The following NXPE2 variants were observed in gnomAD, a reference collection of about 807,000 sequenced individuals.
NXPE2 encodes NXPE family member 2.
In NXPE2, 34 loss-of-function variants were observed where a neutral mutation model predicts 34.4. That is an observed-to-expected ratio of 0.99 (90% CI 0.75 to 1.31). The LOEUF (loss-of-function observed/expected upper bound fraction) is 1.31, where lower values mean the gene tolerates loss of function less well. Ranked by LOEUF, NXPE2 falls within the 40% of genes most tolerant of loss-of-function variation. The pLI, the probability that NXPE2 is intolerant of heterozygous loss-of-function variation, is 0.00. For missense variants in NXPE2, 649 were observed against 672.5 expected (o/e 0.97, Z 0.39); for synonymous variants, 235 against 231.3 (o/e 1.02, Z -0.15).
the NXPE2 span, among the ~76,000 whole-genome samples, chr11:114,809,005 G>A: frequency 1.3e-5 from 2 of 152,076 alleles, no homozygotes; most frequent in Non-Finnish European, 2.9e-5. Context: ...ATGATCAAGT[G>A]GGCTTCATCC....
the NXPE2 span, among the ~76,000 whole-genome samples, chr11:114,724,497 T>C: frequency 6.6e-6 from 1 of 152,080 alleles, no homozygotes; most frequent in African/African-American, 2.4e-5. Flanking sequence ...TTATATATTG[T>C]TTTTGCCATC....
intron 2 of NXPE2, among the ~76,000 whole-genome samples, chr11:114,680,749 C>T (rs906488494): frequency 4.6e-5 from 7 of 152,148 alleles, no homozygotes; most frequent in Admixed American, 2.0e-4. Context: ...AAAGTATTAA[C>T]AAGCTCCTCA....
chr11:114,722,485 C>A, the NXPE2 span, among the ~76,000 whole-genome samples: 1 of 151,908 alleles, frequency 6.6e-6, no homozygotes, highest in African/African-American at 2.4e-5. Flanking sequence ...TGAACTAATA[C>A]ACTATTTACG....
the NXPE2 span, among the ~76,000 whole-genome samples, chr11:114,599,984 A>G: frequency 6.6e-6 from 1 of 152,172 alleles, no homozygotes; most frequent in Non-Finnish European, 1.5e-5. Context: ...AAATGGGGTA[A>G]AATAAACAGC....
At chr11:114,587,452 C>T in the NXPE2 span, among the ~76,000 whole-genome samples, 12 of 152,184 alleles carry the variant, frequency 7.9e-5, 1 homozygote, top group South Asian at 8.3e-4. Context: ...GTAACTGTAA[C>T]GAAGTCTCTC....
the NXPE2 span, among the ~76,000 whole-genome samples, chr11:114,503,663 A>G: frequency 2.0e-5 from 3 of 152,246 alleles, no homozygotes; most frequent in Non-Finnish European, 2.9e-5. Flanking sequence ...GATAAATCCA[A>G]GAGATACGAT....
chr11:114,522,774 A>G, the NXPE2 span: 1 of 797,622 alleles, frequency 1.3e-6, no homozygotes, highest in Non-Finnish European at 2.0e-6. Flanking sequence ...CCAGAGAGCC[A>G]AATGAAGTAA....
At chr11:114,735,902 T>C in the NXPE2 span, among the ~76,000 whole-genome samples, 1 of 152,126 alleles carries the variant, frequency 6.6e-6, no homozygotes, top group African/African-American at 2.4e-5. Context: ...TTTTCTATTT[T>C]CCCTAAGCGT....
At chr11:114,670,838 G>A in the NXPE2 span, among the ~76,000 whole-genome samples, 1 of 151,564 alleles carries the variant, frequency 6.6e-6, no homozygotes, top group Non-Finnish European at 1.5e-5. Flanking sequence ...AGAAACAGGA[G>A]AGAATGACTC....
At chr11:114,669,253 T>C in the NXPE2 span, among the ~76,000 whole-genome samples, 1 of 152,074 alleles carries the variant, frequency 6.6e-6, no homozygotes, top group African/African-American at 2.4e-5. Context: ...TGAATAAACA[T>C]TTTTTGAAGA....
At chr11:114,533,092 TAAAAC>T in the NXPE2 span, among the ~76,000 whole-genome samples, 1 of 152,090 alleles carries the variant, frequency 6.6e-6, no homozygotes, top group Non-Finnish European at 1.5e-5. Context: ...AACAATAAAA[TAAAAC>T]AAACAAACAA....
chr11:114,467,884 C>G, the NXPE2 span, among the ~76,000 whole-genome samples: 1 of 151,794 alleles, frequency 6.6e-6, no homozygotes, highest in Non-Finnish European at 1.5e-5. Flanking sequence ...TGCAGTGAGC[C>G]GAGATTGTGT....
At chr11:114,664,383 A>G in the NXPE2 span, among the ~76,000 whole-genome samples, 1 of 152,202 alleles carries the variant, frequency 6.6e-6, no homozygotes, top group Non-Finnish European at 1.5e-5. Context: ...AGTTTTGGGT[A>G]GTGGAATTAT....
At chr11:114,639,517 T>C in the NXPE2 span, among the ~76,000 whole-genome samples, 59,201 of 150,934 alleles carry the variant, frequency 0.39, 12,291 homozygotes, top group African/African-American at 0.5. Flanking sequence ...GAGATGAACC[T>C]GGTACCTCAG....
chr11:114,692,797 C>CTTCT (rs563346040), intron 2 of NXPE2, among the ~76,000 whole-genome samples: 1 of 151,892 alleles, frequency 6.6e-6, no homozygotes, highest in South Asian at 2.1e-4. Flanking sequence ...ACTTTCTTTC[C>CTTCT]TTCTTTCTTT....
chr11:114,760,951 T>C, the NXPE2 span, among the ~76,000 whole-genome samples: 2 of 152,188 alleles, frequency 1.3e-5, no homozygotes, highest in Admixed American at 6.5e-5. Flanking sequence ...CTTTATTAAA[T>C]GTCATTGCTT....
At chr11:114,524,404 C>T in the NXPE2 span, among the ~76,000 whole-genome samples, 6 of 152,312 alleles carry the variant, frequency 3.9e-5, no homozygotes, top group East Asian at 1.2e-3. Flanking sequence ...CAGAATAGTG[C>T]ATCATTACAT....
At chr11:114,601,961 T>C in the NXPE2 span, among the ~76,000 whole-genome samples, 1 of 83,988 alleles carries the variant, frequency 1.2e-5, no homozygotes, top group Admixed American at 2.3e-4. Flanking sequence ...TATAATATTA[T>C]ATATTATATA....
chr11:114,608,871 C>T, the NXPE2 span, among the ~76,000 whole-genome samples: 14 of 151,654 alleles, frequency 9.2e-5, no homozygotes, highest in Admixed American at 9.2e-4. Flanking sequence ...CCACTCTTAC[C>T]CGGTGGATAC....
Sources: gnomAD v4.1 joint callset for allele counts (sites outside exome capture counted in the v4.1 genomes callset) on GRCh38, gnomAD v4.1.1 for gene constraint, MANE v1.5 for transcripts, NCBI Gene and HGNC (gene_info 2026-07-23, HGNC 2026-07-21) for gene names.